Variants in PAK5 observed in about 807,000 individuals in gnomAD.
The protein encoded by PAK5 is serine/threonine-protein kinase PAK 5.
Under a neutral mutation model 65.9 loss-of-function variants are expected in PAK5, and 16 were observed. The ratio of observed to expected loss-of-function variants is 0.24; its 90% CI spans 0.16 to 0.37. The LOEUF is 0.37. Ranked by LOEUF, PAK5 falls within the 10% of genes least tolerant of loss-of-function variation. The probability of loss-of-function intolerance (pLI) is 1.00; values close to 1 mark genes in which losing one functional copy is unlikely to be tolerated. For missense variants in PAK5, 785 were observed against 903.9 expected, an observed-to-expected ratio of 0.87 and a Z score of 1.69; for synonymous variants, 371 against 354.9, an observed-to-expected ratio of 1.05 and a Z score of -0.51.
intron 3 of PAK5, among the ~76,000 whole-genome samples, chr20:9,643,160 G>C (rs549261259): frequency 6.6e-6 from 1 of 152,304 alleles, no homozygotes; most frequent in African/African-American, 2.4e-5. Flanking sequence ...AAATAGCACA[G>C]ATGTCTACTA....
At chr20:9,816,923 T>C (rs1471072048) in intron 1 of PAK5, among the ~76,000 whole-genome samples, 1 of 152,158 alleles carries the variant, frequency 6.6e-6, no homozygotes, top group African/African-American at 2.4e-5. Context: ...ATCTTGTGTC[T>C]GCTACTAACT....
intron 1 of PAK5, among the ~76,000 whole-genome samples, chr20:9,801,735 T>A (rs896106797): frequency 6.6e-6 from 1 of 152,090 alleles, no homozygotes; most frequent in African/African-American, 2.4e-5. Flanking sequence ...AACATTTCAG[T>A]ATATAAAAAT....
intron 2 of PAK5, among the ~76,000 whole-genome samples, chr20:9,645,031 C>A (rs990597543): frequency 6.6e-6 from 1 of 152,082 alleles, no homozygotes. Flanking sequence ...ATAGTCACCA[C>A]ATAAAGGATC....
At chr20:9,567,415 T>C (rs1379287466) in intron 4 of PAK5, among the ~76,000 whole-genome samples, 1 of 152,236 alleles carries the variant, frequency 6.6e-6, no homozygotes, top group Non-Finnish European at 1.5e-5. Context: ...ATATAGTAGC[T>C]ACAAGCTACA....
chr20:9,749,604 T>C (rs2123612705), intron 1 of PAK5, among the ~76,000 whole-genome samples: 1 of 152,326 alleles, frequency 6.6e-6, no homozygotes, highest in East Asian at 1.9e-4. Flanking sequence ...AGTCATATTA[T>C]TGCTGTTCCA....
At chr20:9,575,670 C>T (rs1363727272) in intron 4 of PAK5, 1 of 152,154 alleles carries the variant, frequency 6.6e-6, no homozygotes, top group African/African-American at 2.4e-5. Flanking sequence ...GATGGAAGAA[C>T]AGGAAGAATA....
rs781148117 is a variant in PAK5 at position 9,566,183 on chromosome 20, C to T, written c.1192G>A (p.Ala398Thr). 1 of 1,613,648 alleles carries T rather than the reference C, an allele frequency of 6.2e-7. No homozygotes were observed. The highest frequency in any genetic ancestry group is 1.1e-5 in the South Asian group (1 of 91,054). Residue 398 changes from alanine to threonine, a missense_variant, in exon 5 of 10, where the codon GCT (alanine) becomes ACT (threonine). Around this residue, in one of 4 missense-constraint regions of PAK5, gnomAD observed 422 missense variants for 413.3 expected, o/e 1.02. Coordinates refer to ENST00000353224, the MANE Select transcript of PAK5 (RefSeq NM_177990.4). Reference protein sequence around the residue: ...LQSSSQYISTASYLSSLSLSS... With the variant: ...LQSSSQYISTTSYLSSLSLSS... ...AGGCTGAGGGAGCTCAGGTAGGAAGCCGTGGAGATGTACTGCGAACTGCTC... is the reference window on the plus strand; with the variant it reads ...AGGCTGAGGGAGCTCAGGTAGGAAGTCGTGGAGATGTACTGCGAACTGCTC...
intron 1 of PAK5, among the ~76,000 whole-genome samples, chr20:9,770,506 G>A (rs2048820919): frequency 6.6e-6 from 1 of 152,186 alleles, no homozygotes; most frequent in African/African-American, 2.4e-5. Context: ...AGTGAAACGA[G>A]CCAGCACAAT....
chr20:9,804,760 G>C (rs1000685647), intron 1 of PAK5, among the ~76,000 whole-genome samples: 20 of 152,084 alleles, frequency 1.3e-4, no homozygotes, highest in African/African-American at 4.8e-4. Flanking sequence ...ACACTATCCA[G>C]AGTGTGGGCC....
chr20:9,641,242 T>C (rs1420720339), intron 3 of PAK5, among the ~76,000 whole-genome samples: 1 of 151,516 alleles, frequency 6.6e-6, no homozygotes, highest in African/African-American at 2.4e-5. Context: ...AAACACAGGG[T>C]GCTGATTGGT....
At chr20:9,756,354 T>G (rs936720631) in intron 1 of PAK5, among the ~76,000 whole-genome samples, 2 of 152,092 alleles carry the variant, frequency 1.3e-5, no homozygotes, top group Admixed American at 6.6e-5. Context: ...TGGGTGGAGC[T>G]GGCCTTCAGT....
intron 1 of PAK5, among the ~76,000 whole-genome samples, chr20:9,775,392 C>T (rs1381347077): frequency 6.6e-6 from 1 of 152,124 alleles, no homozygotes; most frequent in African/African-American, 2.4e-5. Context: ...TTCATTCCAC[C>T]CACAGGGTCC....
intron 1 of PAK5, among the ~76,000 whole-genome samples, chr20:9,835,229 C>T (rs1432224398): frequency 6.6e-6 from 1 of 152,222 alleles, no homozygotes; most frequent in African/African-American, 2.4e-5. Flanking sequence ...AATAAATGGC[C>T]ATTATAGAGC....
intron 1 of PAK5, among the ~76,000 whole-genome samples, chr20:9,799,774 C>CA (rs201309466): frequency 6.7e-5 from 10 of 148,880 alleles, no homozygotes; most frequent in Admixed American, 1.3e-4. Flanking sequence ...ATATCTGTTA[C>CA]AAAAAAAAAT....
chr20:9,755,087 A>G (rs1294489744), intron 1 of PAK5, among the ~76,000 whole-genome samples: 1 of 152,204 alleles, frequency 6.6e-6, no homozygotes, highest in Non-Finnish European at 1.5e-5. Flanking sequence ...TTACATTAGC[A>G]TGATTTCAAT....
chr20:9,541,938 T>C (rs2045271384), intron 9 of PAK5, among the ~76,000 whole-genome samples: 1 of 152,220 alleles, frequency 6.6e-6, no homozygotes, highest in African/African-American at 2.4e-5. Flanking sequence ...CCCTTCGCCT[T>C]CTGCCATGAT....
chr20:9,712,294 C>A (rs576990539), intron 1 of PAK5, among the ~76,000 whole-genome samples: 13 of 152,160 alleles, frequency 8.5e-5, no homozygotes, highest in Non-Finnish European at 1.8e-4. Flanking sequence ...AAATTCCCAA[C>A]CTTGTTTATA....
intron 7 of PAK5, among the ~76,000 whole-genome samples, chr20:9,550,469 C>T (rs1289046235): frequency 2.0e-5 from 3 of 152,168 alleles, no homozygotes; most frequent in African/African-American, 4.8e-5. Context: ...TGTCTTTCCT[C>T]CCACACTCCA....
intron 1 of PAK5, among the ~76,000 whole-genome samples, chr20:9,742,644 C>G (rs901703277): frequency 6.6e-6 from 1 of 151,836 alleles, no homozygotes; most frequent in Non-Finnish European, 1.5e-5. Context: ...TTGCAGAAAA[C>G]TCTCTCTCTA....
Sources: allele counts gnomAD v4.1 joint callset (sites outside exome capture counted in the v4.1 genomes callset), GRCh38; gene constraint gnomAD v4.1.1; regional missense constraint gnomAD v4.1.1; transcripts MANE v1.5; gene names NCBI Gene and HGNC (gene_info 2026-07-23, HGNC 2026-07-21).